CD300C: variants seen among roughly 807,000 people sequenced by gnomAD.
CD300C encodes CD300c molecule, also known as CMRF35-like molecule 6.
A neutral mutation model predicts 18.4 loss-of-function variants in CD300C; 11 were observed. That is an observed-to-expected ratio of 0.60 (90% CI 0.38 to 0.99). The LOEUF (loss-of-function observed/expected upper bound fraction) is 0.99. Ranked by LOEUF, CD300C falls within the 50% of genes least tolerant of loss-of-function variation. The pLI is 0.01. For synonymous variants in CD300C, 116 were observed against 116.3 expected (o/e 1.00, Z 0.02); for missense variants, 277 against 287.4 (o/e 0.96, Z 0.26).
downstream of CD300C, among the ~76,000 whole-genome samples, chr17:74,539,823 C>G (rs1908488251): frequency 6.6e-6 from 1 of 152,196 alleles, no homozygotes; most frequent in South Asian, 2.1e-4. Context: ...ACATTTCCCT[C>G]TTGTGTTTAT....
chr17:74,544,803 A>T lies in CD300C; in HGVS notation c.206T>A (p.Val69Glu). ...PPQILRCDKI[V>E]ETKGSAGKRN... The stretch of plus-strand genomic sequence containing the variant: ...TTTCCCTGCTGACCCTTTGGTCTCC[A>T]CAATCTTGTCACATCGGAGAATCTG... Residue 69 changes from valine to glutamate, a missense_variant, in exon 2 of 4, where the codon GTG becomes GAG. Val to Glu is a moderately radical substitution (Grantham distance 121, BLOSUM62 -2). Coordinates refer to ENST00000330793, the MANE Select transcript of CD300C (RefSeq NM_006678.5). 1 of 1,614,228 alleles carries T rather than the reference A, an allele frequency of 6.2e-7. No homozygotes were observed. Among genetic ancestry groups the T allele is most frequent in the Non-Finnish European group, 8.5e-7 (1 of 1,180,038 alleles).
At chr17:74,543,112 A>G in intron 2 of CD300C, 125 bp from the exon 3 acceptor site, 1 of 1,334,688 alleles carries the variant, frequency 7.5e-7, no homozygotes, top group Admixed American at 1.8e-5. Flanking sequence ...CCCTGCATCC[A>G]TCATGCCCCA....
downstream of CD300C, among the ~76,000 whole-genome samples, chr17:74,536,360 C>T (rs371839959): frequency 1.5e-4 from 23 of 151,872 alleles, no homozygotes; most frequent in Admixed American, 5.2e-4. Context: ...GGTGAAACCC[C>T]GTCTCTACTA....
At chr17:74,545,399 C>T (rs538413512) in intron 1 of CD300C, among the ~76,000 whole-genome samples, 6 of 148,918 alleles carry the variant, frequency 4.0e-5, no homozygotes, top group African/African-American at 9.9e-5. Context: ...TGAGTGTGAC[C>T]GTGTGTGCGT....
In CD300C at chr17:74,546,097, AGT is replaced by A. The variant is rs1043321592; in HGVS notation, c.-317_-316del. ...CCCACAGCCCACAGCTTCTGGCTTC[AGT>A]GTGTTACTCACACTGCAGAAGGCAG... On this transcript the variant is annotated 5_prime_UTR_variant, in exon 1 of 4. Coordinates refer to ENST00000330793, the MANE Select transcript of CD300C (RefSeq NM_006678.5). 1.5e-5 allele frequency: 5 copies of A among 342,824 alleles called. No homozygotes were observed. The highest frequency in any genetic ancestry group is 4.2e-5 in the African/African-American group (2 of 47,970). 21.2% of individuals were successfully genotyped at this position (342,824 alleles called of 1,614,324 possible).
Position 74,544,866 on chromosome 17 carries a change from T to C in CD300C, c.143A>G (p.Glu48Gly). The change falls in exon 2 of 4, where the codon GAA (glutamate) becomes GGA (glycine). Residue 48 changes from glutamate to glycine, a missense_variant. Physicochemically the swap from Glu to Gly is moderately conservative, Grantham distance 98. Transcript: ENST00000330793. ...CCAGAATTTGTTGAGGGTCCTGTGT[T>C]CCTTCTCATAGCGACACTGCACACT... ...SLSVQCRYEK[E>G]HRTLNKFWCR... The C allele has an allele frequency of 6.2e-7, 1 of 1,614,196 alleles. No homozygotes were observed. The highest frequency in any genetic ancestry group is 1.7e-5 in the Admixed American group (1 of 60,024).
chr17:74,545,791 C>T lies in CD300C; in HGVS notation c.-9G>A. 2 of 1,603,178 alleles carry T rather than the reference C, an allele frequency of 1.2e-6. No individual in the cohort carries two copies. The highest frequency in any genetic ancestry group is 1.7e-4 in the Middle Eastern group (1 of 6,048). Reference sequence around the variant, plus strand: ...CAGGCCCTGGCAGTCATTCCTGTAACACGAATGTCACCTGCCACTGTGCAA... The same window carrying T: ...CAGGCCCTGGCAGTCATTCCTGTAATACGAATGTCACCTGCCACTGTGCAA... On this transcript the variant is annotated 5_prime_UTR_variant, in exon 1 of 4. Coordinates refer to ENST00000330793, the MANE Select transcript of CD300C (RefSeq NM_006678.5).
chr17:74,541,788 G>GTGCC, intron 3 of CD300C, 52 bp from the exon 4 acceptor site: 11 of 1,570,700 alleles, frequency 7.0e-6, no homozygotes, highest in Non-Finnish European at 9.5e-6. Context: ...GGAGGCCCAG[G>GTGCC]TGCCCTCCAC....
At position 74,545,717 on chromosome 17, in the gene CD300C, C is replaced by T. The variant is rs773532713; in HGVS notation, c.61+5G>A. 2 of 1,606,740 alleles carry T rather than the reference C, an allele frequency of 1.2e-6. No homozygotes were observed. Among genetic ancestry groups the T allele is most frequent in the Non-Finnish European group, 1.7e-6 (2 of 1,176,978 alleles). On this transcript the variant is annotated splice_donor_5th_base_variant and intron_variant, in intron 1 of 3. Transcript: ENST00000330793. Reference sequence around the variant, plus strand: ...GCTCCCCAAGTCCAGGGTCGGCCCACTCACCTGGGACAAGCAGGAGGAGCA... The same window carrying T: ...GCTCCCCAAGTCCAGGGTCGGCCCATTCACCTGGGACAAGCAGGAGGAGCA...
At chr17:74,536,429 A>T (rs1699608), downstream of CD300C, among the ~76,000 whole-genome samples, 18,991 of 149,930 alleles carry the variant, frequency 0.13, 1,392 homozygotes, top group East Asian at 0.33. Flanking sequence ...GCTACTCGGG[A>T]GGCTGAGGCA....
downstream of CD300C, among the ~76,000 whole-genome samples, chr17:74,538,735 C>T (rs568955569): frequency 6.6e-6 from 1 of 152,340 alleles, no homozygotes; most frequent in Middle Eastern, 3.4e-3. Flanking sequence ...GGATATCTGT[C>T]GAATGCCTGC....
Position 74,542,919 on chromosome 17 carries a change from C to A in CD300C, c.469G>T (p.Val157Leu), listed in dbSNP as rs758421898. ...GTSGPPTKLP[V>L]HTWPSVTRKD... ...CTGGTCACGCTGGGCCAGGTGTGCA[C>A]GGGCAGCTTCGTGGGAGGACCTGAG... The change falls in exon 3 of 4, where the codon GTG becomes TTG. Residue 157 changes from valine (V) to leucine (L), a missense_variant. By Grantham distance (32) the Val-to-Leu change is conservative (BLOSUM62 1). Coordinates refer to ENST00000330793, the MANE Select transcript of CD300C (RefSeq NM_006678.5). 1 of 1,612,418 alleles carries A rather than the reference C, an allele frequency of 6.2e-7. No individual in the cohort carries two copies. The highest frequency in any genetic ancestry group is 8.5e-7 in the Non-Finnish European group (1 of 1,180,006).
chr17:74,540,617 G>T (rs758636666), downstream of CD300C, among the ~76,000 whole-genome samples: 15 of 152,182 alleles, frequency 9.9e-5, no homozygotes, highest in Non-Finnish European at 1.5e-4. Context: ...GGGGTCTTGG[G>T]TGTTGGCCAG....
At chr17:74,543,821 C>T (rs980480049) in intron 2 of CD300C, among the ~76,000 whole-genome samples, 18 of 152,146 alleles carry the variant, frequency 1.2e-4, no homozygotes, top group Admixed American at 3.9e-4. Context: ...ATCTTCGGCA[C>T]GGGAAAGGGC....
chr17:74,538,569 T>A (rs751475640), downstream of CD300C, among the ~76,000 whole-genome samples: 27 of 152,160 alleles, frequency 1.8e-4, no homozygotes, highest in Non-Finnish European at 3.7e-4. Context: ...AAGAATTGCC[T>A]TGAGATTCAG....
the CD300C span, among the ~76,000 whole-genome samples, chr17:74,535,795 A>G: frequency 6.6e-6 from 1 of 152,230 alleles, no homozygotes; most frequent in African/African-American, 2.4e-5. Flanking sequence ...AGAACAATGT[A>G]TAGTGACATG....
intron 2 of CD300C, among the ~76,000 whole-genome samples, chr17:74,543,557 C>T (rs1291056049): frequency 1.3e-5 from 2 of 152,296 alleles, no homozygotes; most frequent in Non-Finnish European, 2.9e-5. Flanking sequence ...GGCGGCGGCC[C>T]GTGGTGAATA....
chr17:74,537,927 T>TA (rs752674574), downstream of CD300C, among the ~76,000 whole-genome samples: 41 of 151,914 alleles, frequency 2.7e-4, no homozygotes, highest in South Asian at 4.1e-4. Context: ...CCCATCTCTA[T>TA]AAAAAAAGAT....
chr17:74,544,484 G>A (rs760839607), intron 2 of CD300C, 125 bp downstream of exon 2: 87 of 967,912 alleles, frequency 9.0e-5, no homozygotes, highest in Non-Finnish European at 1.1e-4. Flanking sequence ...CACACACAGC[G>A]GCACACAGTG....
Sources: allele counts gnomAD v4.1 joint callset (sites outside exome capture counted in the v4.1 genomes callset), GRCh38; gene constraint gnomAD v4.1.1; transcripts MANE v1.5; gene names NCBI Gene and HGNC (gene_info 2026-07-23, HGNC 2026-07-21).